FRMPD4: variants seen among roughly 807,000 people sequenced by gnomAD.
FRMPD4 encodes FERM and PDZ domain-containing protein 4.
A neutral mutation model predicts 94.1 loss-of-function variants in FRMPD4; 22 were observed. That is an observed-to-expected ratio of 0.23 (90% CI 0.17 to 0.33). The LOEUF is 0.33. FRMPD4 is among the 10% of genes least tolerant of loss of function. The pLI is 1.00. For synonymous variants in FRMPD4, 631 were observed against 548.6 expected (o/e 1.15, Z -2.10); for missense variants, 1,111 against 1,339.9 (o/e 0.83, Z 2.67).
At chrX:12,705,836 G>T (rs3923465) in intron 11 of FRMPD4, among the ~76,000 whole-genome samples, 2,139 of 112,127 alleles carry the variant, frequency 0.019, 37 homozygotes, top group South Asian at 0.064. Flanking sequence ...CTAGCCAAGA[G>T]TGAATAGTTT....
intron 5 of FRMPD4, among the ~76,000 whole-genome samples, chrX:12,678,188 A>C (rs1363694240): frequency 8.9e-6 from 1 of 112,750 alleles, no homozygotes; most frequent in Admixed American, 9.4e-5. Flanking sequence ...GCAAAACATT[A>C]CACTGAACCA....
At chrX:12,527,487 G>GTT (rs752107917) in intron 2 of FRMPD4, among the ~76,000 whole-genome samples, 5 of 77,444 alleles carry the variant, frequency 6.5e-5, no homozygotes, top group Non-Finnish European at 9.9e-5. Flanking sequence ...CTGAGTTACA[G>GTT]TTTTTTTTTT....
intron 1 of FRMPD4, among the ~76,000 whole-genome samples, chrX:12,257,358 G>A (rs936276489): frequency 6.3e-5 from 7 of 111,159 alleles, no homozygotes; most frequent in South Asian, 3.8e-4. Flanking sequence ...TGCTTTACCC[G>A]TTGCTCTGCC....
At chrX:12,597,983 G>A (rs1161865445) in intron 2 of FRMPD4, among the ~76,000 whole-genome samples, 1 of 112,137 alleles carries the variant, frequency 8.9e-6, no homozygotes, top group Non-Finnish European at 1.9e-5. Context: ...TGTCTTATCC[G>A]GAAAGGAATG....
intron 2 of FRMPD4, among the ~76,000 whole-genome samples, chrX:12,601,345 G>A (rs765426979): frequency 8.9e-6 from 1 of 112,017 alleles, no homozygotes; most frequent in African/African-American, 3.2e-5. Context: ...ACGATGTGCA[G>A]TTATGTGTGT....
At chrX:12,595,154 G>A (rs773282406) in intron 2 of FRMPD4, among the ~76,000 whole-genome samples, 178 of 111,751 alleles carry the variant, frequency 1.6e-3, no homozygotes, top group Non-Finnish European at 2.6e-3. Flanking sequence ...TAACATGAAC[G>A]TCAATTATTG....
chrX:12,468,360 A>T (rs758503143), intron 1 of FRMPD4, among the ~76,000 whole-genome samples: 1 of 112,264 alleles, frequency 8.9e-6, no homozygotes, highest in East Asian at 2.8e-4. Context: ...CACAAAAGAG[A>T]TACCATGCAA....
chrX:12,184,179 A>G (rs1217189405), intron 1 of FRMPD4, among the ~76,000 whole-genome samples: 1 of 111,164 alleles, frequency 9.0e-6, no homozygotes, highest in Non-Finnish European at 1.9e-5. Flanking sequence ...ATCATTACTA[A>G]CAGAAATACA....
At chrX:12,420,259 T>C (rs752292928) in intron 1 of FRMPD4, among the ~76,000 whole-genome samples, 28 of 111,930 alleles carry the variant, frequency 2.5e-4, no homozygotes, top group Middle Eastern at 4.6e-3. Flanking sequence ...CTCTGTGTCA[T>C]CAGTGTCCTG....
rs2042288691 is a variant in FRMPD4 at position 12,724,110 on chromosome X, C to A, written c.*2252C>A. On this transcript the variant is annotated 3_prime_UTR_variant, in exon 17 of 17. Coordinates refer to ENST00000675598, the MANE Select transcript of FRMPD4 (RefSeq NM_001368397.1). ...TATTGTATCCTGACTGTGTGCAGAACACATTATGTGTATTGCATATATGTA... is the reference window on the plus strand; with the variant it reads ...TATTGTATCCTGACTGTGTGCAGAAAACATTATGTGTATTGCATATATGTA... 9.0e-6 allele frequency: 1 copy of A among 111,692 alleles called. No homozygotes were observed. Among genetic ancestry groups the A allele is most frequent in the African/African-American group, 3.3e-5 (1 of 30,715 alleles). 9.2% of individuals were successfully genotyped at this position (111,692 alleles called of 1,213,427 possible). A position where few individuals can be genotyped will look rare whatever the true frequency, so the allele number is the denominator to read the frequency against.
chrX:11,844,768 G>A (rs1342436432), intron 1 of FRMPD4, among the ~76,000 whole-genome samples: 1 of 111,947 alleles, frequency 8.9e-6, no homozygotes, highest in Non-Finnish European at 1.9e-5. Context: ...AATTTATGAA[G>A]TTTTTATTTA....
At chrX:12,247,302 G>A (rs2053970148) in intron 1 of FRMPD4, among the ~76,000 whole-genome samples, 1 of 111,038 alleles carries the variant, frequency 9.0e-6, no homozygotes, top group Non-Finnish European at 1.9e-5. Context: ...ACTCCTAGTT[G>A]AGAACCTCTG....
chrX:12,480,333 G>GAAAAAAAAAAAA (rs35074731), intron 1 of FRMPD4, among the ~76,000 whole-genome samples: 360 of 54,333 alleles, frequency 6.6e-3, no homozygotes, highest in Non-Finnish European at 7.6e-3. Context: ...GAAAAGAAAT[G>GAAAAAAAAAAAA]AAAAAAAAAA....
intron 1 of FRMPD4, among the ~76,000 whole-genome samples, chrX:12,277,814 A>C (rs1438181992): frequency 2.7e-5 from 3 of 112,305 alleles, no homozygotes; most frequent in African/African-American, 9.7e-5. Context: ...ATTATGGCAC[A>C]TCTCTATTTG....
intron 1 of FRMPD4, among the ~76,000 whole-genome samples, chrX:11,850,500 A>G (rs1397362061): frequency 8.9e-6 from 1 of 112,625 alleles, no homozygotes; most frequent in East Asian, 2.8e-4. Flanking sequence ...ATTTGCAGAT[A>G]TATGTTCATA....
intron 1 of FRMPD4, among the ~76,000 whole-genome samples, chrX:12,496,575 A>C (rs1417814289): frequency 8.9e-6 from 1 of 112,406 alleles, no homozygotes; most frequent in Non-Finnish European, 1.9e-5. Context: ...ACCGGAGCCA[A>C]ATCCCTCTGC....
intron 3 of FRMPD4, among the ~76,000 whole-genome samples, chrX:12,116,455 G>C (rs914580408): frequency 3.3e-4 from 37 of 112,304 alleles, no homozygotes; most frequent in African/African-American, 1.1e-3. Flanking sequence ...GTGTGTGGCC[G>C]AGACCACATG....
At chrX:12,023,477 C>T (rs1209129665) in intron 3 of FRMPD4, among the ~76,000 whole-genome samples, 1 of 111,693 alleles carries the variant, frequency 9.0e-6, no homozygotes, top group Non-Finnish European at 1.9e-5. Context: ...CCCCATAGTG[C>T]CCATCTGCTT....
intron 13 of FRMPD4, among the ~76,000 whole-genome samples, chrX:12,708,124 A>G (rs2041911894): frequency 8.9e-6 from 1 of 111,853 alleles, no homozygotes. Context: ...ATATGGTAGC[A>G]ATTGGTACTG....
Sources: gnomAD v4.1 joint callset for allele counts (sites outside exome capture counted in the v4.1 genomes callset) on GRCh38, gnomAD v4.1.1 for gene constraint, MANE v1.5 for transcripts, NCBI Gene and HGNC (gene_info 2026-07-23, HGNC 2026-07-21) for gene names.